The following SULT2A1 variants were observed in gnomAD, a reference collection of about 807,000 sequenced individuals.
The protein encoded by SULT2A1 is sulfotransferase family 2A member 1, also known as sulfotransferase 2A1.
A neutral mutation model predicts 33.9 loss-of-function variants in SULT2A1; 43 were observed. That is an observed-to-expected ratio of 1.27 (90% confidence interval 1.00 to 1.64). SULT2A1 has a LOEUF of 1.64. Ranked by LOEUF, SULT2A1 falls within the 40% of genes most tolerant of loss-of-function variation. The pLI is 0.00. For missense variants in SULT2A1, 300 were observed against 335.1 expected (o/e 0.90, Z 0.82); for synonymous variants, 125 against 113.6 (o/e 1.10, Z -0.64).
chr19:47,877,828 G>A (rs916447880), intron 4 of SULT2A1, among the ~76,000 whole-genome samples: 3 of 152,200 alleles, frequency 2.0e-5, no homozygotes, highest in African/African-American at 7.2e-5. Flanking sequence ...GGGATTACAG[G>A]CGTGAGCCAC....
chr19:47,871,889 A>G (rs917506582), intron 5 of SULT2A1, among the ~76,000 whole-genome samples: 1 of 151,924 alleles, frequency 6.6e-6, no homozygotes, highest in Non-Finnish European at 1.5e-5. Context: ...GGATTATTAG[A>G]GTACACTTGT....
chr19:47,885,649 G>T (rs1043391418), intron 1 of SULT2A1, among the ~76,000 whole-genome samples: 2 of 151,998 alleles, frequency 1.3e-5, no homozygotes, highest in Admixed American at 1.3e-4. Flanking sequence ...TCCACCCACA[G>T]CCCCACTCCC....
intron 3 of SULT2A1, among the ~76,000 whole-genome samples, chr19:47,880,638 G>A (rs1251170828): frequency 6.6e-6 from 1 of 151,684 alleles, no homozygotes; most frequent in East Asian, 1.9e-4. Context: ...CCAGGCTGTA[G>A]TGCCATGGAG....
At chr19:47,877,552 C>CTTT (rs565116311) in intron 4 of SULT2A1, among the ~76,000 whole-genome samples, 3 of 137,484 alleles carry the variant, frequency 2.2e-5, no homozygotes, top group Non-Finnish European at 3.2e-5. Flanking sequence ...CTTTTTCTTT[C>CTTT]TTTTTTTTTT....
chr19:47,879,706 A>G (rs1021727710), intron 3 of SULT2A1, among the ~76,000 whole-genome samples: 6 of 145,384 alleles, frequency 4.1e-5, no homozygotes, highest in African/African-American at 1.5e-4. Context: ...ACATATTCTC[A>G]CTCATAGGTG....
At chr19:47,882,554 A>C (rs1383862256) in intron 2 of SULT2A1, among the ~76,000 whole-genome samples, 3 of 152,200 alleles carry the variant, frequency 2.0e-5, no homozygotes, top group Non-Finnish European at 4.4e-5. Flanking sequence ...TTCATAAATT[A>C]AGCTACATTC....
chr19:47,883,921 G>A (rs1243810441), intron 1 of SULT2A1, 136 bp from the exon 2 acceptor site: 1 of 762,734 alleles, frequency 1.3e-6, no homozygotes, highest in African/African-American at 1.8e-5. Flanking sequence ...GCCTGGCCAA[G>A]ATGGTGAAAC....
chr19:47,885,093 G>A (rs1248982422), intron 1 of SULT2A1, among the ~76,000 whole-genome samples: 1 of 152,170 alleles, frequency 6.6e-6, no homozygotes, highest in African/African-American at 2.4e-5. Flanking sequence ...TTACAGGTAT[G>A]AGCCACCATG....
chr19:47,879,524 G>A (rs1379374977), intron 3 of SULT2A1, among the ~76,000 whole-genome samples: 7 of 152,036 alleles, frequency 4.6e-5, no homozygotes. Context: ...AGTGCCAGCA[G>A]GGGAAATGCC....
At chr19:47,871,883 T>A (rs937355254) in intron 5 of SULT2A1, among the ~76,000 whole-genome samples, 1 of 152,142 alleles carries the variant, frequency 6.6e-6, no homozygotes, top group South Asian at 2.1e-4. Context: ...TCACCTGGAT[T>A]ATTAGAGTAC....
intron 5 of SULT2A1, among the ~76,000 whole-genome samples, chr19:47,872,761 C>CT (rs543237237): frequency 0.27 from 37,218 of 139,738 alleles, 5,054 homozygotes; most frequent in Non-Finnish European, 0.29. Flanking sequence ...CAGCATTTAT[C>CT]TTTTTTTTTT....
At chr19:47,878,803 A>G (rs1348941333) in intron 4 of SULT2A1, among the ~76,000 whole-genome samples, 5 of 152,040 alleles carry the variant, frequency 3.3e-5, no homozygotes, top group Non-Finnish European at 5.9e-5. Context: ...GCGCCAGCCA[A>G]CGTGCCTGGC....
intron 2 of SULT2A1, among the ~76,000 whole-genome samples, chr19:47,883,127 C>T (rs867928830): frequency 1.3e-5 from 2 of 152,022 alleles, no homozygotes; most frequent in African/African-American, 4.8e-5. Context: ...GTCCTGGCCC[C>T]GGGGCAGTCA....
chr19:47,886,035 C>A, intron 1 of SULT2A1, 87 bp downstream of exon 1: 1 of 1,499,556 alleles, frequency 6.7e-7, no homozygotes, highest in Non-Finnish European at 9.1e-7. Context: ...TGTACACTGT[C>A]TGACATAAAG....
In SULT2A1 at chr19:47,882,119, C is replaced by T. The variant is rs781073099; in HGVS notation, c.437G>A (p.Trp146Ter). ...ACAAAACCATTCAAAATATTCTTCC[C>T]ATGACTTTGGTTTCTTAATAAACTT... ...NMKFIKKPKS[W>*]EEYFEWFCQG... The change falls in exon 3 of 6, where the codon TGG becomes TAG. Residue 146 changes from tryptophan (W) to a stop codon, truncating the protein, a stop_gained. Transcript: ENST00000222002. LOFTEE classifies it high-confidence loss of function. 3.7e-6 allele frequency: 6 copies of T among 1,613,942 alleles called. No homozygotes were observed. In the South Asian group the frequency reaches 5.5e-5, roughly 15 times the overall value.
intron 5 of SULT2A1, among the ~76,000 whole-genome samples, chr19:47,872,761 CTT>C (rs543237237): frequency 9.3e-5 from 13 of 139,786 alleles, no homozygotes; most frequent in East Asian, 2.1e-4. Context: ...CAGCATTTAT[CTT>C]TTTTTTTTTT....
rs1968479846 is a variant in SULT2A1 at position 47,870,557 on chromosome 19, A to G, written c.*898T>C. On this transcript the variant is annotated 3_prime_UTR_variant, in exon 6 of 6. Transcript: ENST00000222002. ...AATTACACTCCTTAAGATCAGAGCAATAATAAATTGTGGAGATACATGTGA... is the reference window on the plus strand; with the variant it reads ...AATTACACTCCTTAAGATCAGAGCAGTAATAAATTGTGGAGATACATGTGA... 6.7e-6 allele frequency: 1 copy of G among 148,160 alleles called. No homozygotes were observed. The highest frequency in any genetic ancestry group is 2.4e-5 in the African/African-American group (1 of 41,212). 9.2% of individuals were successfully genotyped at this position (148,160 alleles called of 1,614,324 possible).
chr19:47,875,513 C>T (rs62531048), intron 4 of SULT2A1, among the ~76,000 whole-genome samples: 2,220 of 152,004 alleles, frequency 0.015, 52 homozygotes, highest in African/African-American at 0.051. Flanking sequence ...TGGCGCACAG[C>T]TGTGGTACCA....
Position 47,870,565 on chromosome 19 carries a change from T to C in SULT2A1, c.*890A>G, listed in dbSNP as rs1222817132. On this transcript the variant is annotated 3_prime_UTR_variant, in exon 6 of 6. Coordinates refer to ENST00000222002, the MANE Select transcript of SULT2A1 (RefSeq NM_003167.4). The stretch of plus-strand genomic sequence containing the variant: ...TCCTTAAGATCAGAGCAATAATAAA[T>C]TGTGGAGATACATGTGATGAAAAGA... 1 of 147,988 alleles carries C rather than the reference T, an allele frequency of 6.8e-6. No homozygotes were observed. The highest frequency in any genetic ancestry group is 1.9e-4 in the East Asian group (1 of 5,204). The allele number at this position is 147,988 out of a possible 1,614,324, so 9.2% of individuals were successfully genotyped here.
Sources: allele counts gnomAD v4.1 joint callset (sites outside exome capture counted in the v4.1 genomes callset), GRCh38; gene constraint gnomAD v4.1.1; transcripts MANE v1.5; gene names NCBI Gene and HGNC (gene_info 2026-07-23, HGNC 2026-07-21).